The following GRIK1 variants were observed in gnomAD, a reference collection of about 807,000 sequenced individuals.
GRIK1 encodes the protein glutamate receptor ionotropic, kainate 1.
GRIK1 carries 69 observed loss-of-function variants against 105.7 expected under a neutral mutation model. The observed-to-expected ratio is 0.65, with a 90% CI of 0.54 to 0.80. The LOEUF is 0.80. Among genes scored for constraint, GRIK1 ranks in the 30% least tolerant of loss-of-function variants. The pLI is 0.00. For missense variants in GRIK1, 1,109 were observed against 1,167.3 expected (o/e 0.95, Z 0.73); for synonymous variants, 438 against 431.3 (o/e 1.02, Z -0.19).
intron 7 of GRIK1, among the ~76,000 whole-genome samples, chr21:29,606,247 T>G (rs2061612399): frequency 1.3e-5 from 2 of 152,166 alleles, no homozygotes; most frequent in Non-Finnish European, 2.9e-5. Context: ...AAATTATAAT[T>G]GTATTGACCT....
intron 1 of GRIK1, among the ~76,000 whole-genome samples, chr21:29,773,295 CT>C (rs2145743073): frequency 6.6e-6 from 1 of 152,226 alleles, no homozygotes; most frequent in South Asian, 2.1e-4. Flanking sequence ...TTTCTCTAGG[CT>C]TCAACTCATT....
At chr21:29,813,790 G>T in intron 1 of GRIK1, among the ~76,000 whole-genome samples, 1 of 151,940 alleles carries the variant, frequency 6.6e-6, no homozygotes, top group East Asian at 1.9e-4. Flanking sequence ...ATACTGTAAT[G>T]CAAACCAGAT....
intron 1 of GRIK1, among the ~76,000 whole-genome samples, chr21:29,856,095 C>T (rs2068455481): frequency 6.6e-6 from 1 of 152,060 alleles, no homozygotes; most frequent in African/African-American, 2.4e-5. Flanking sequence ...TTCTGGGGTA[C>T]AAGTAGTGTT....
intron 3 of GRIK1, among the ~76,000 whole-genome samples, chr21:29,677,595 A>G (rs1176218174): frequency 6.6e-6 from 1 of 151,996 alleles, no homozygotes; most frequent in African/African-American, 2.4e-5. Flanking sequence ...AAAAAAAAAA[A>G]CCTCTGCTAT....
Position 29,561,833 on chromosome 21 carries a change from G to A in GRIK1, c.2147C>T (p.Thr716Ile), listed in dbSNP as rs755836619. ...CATGAAAGCCCACATCTTCTCATAG[G>A]TGGAGATTTTTGATTTCTGGAGGGA... Reference protein sequence around the residue: ...MTFFKKSKISTYEKMWAFMSS... With the variant: ...MTFFKKSKISIYEKMWAFMSS... The change falls in exon 15 of 18, where the codon ACC becomes ATC. Residue 716 changes from threonine (T) to isoleucine (I), a missense_variant. Transcript: ENST00000327783. 1 of 1,612,310 alleles carries A rather than the reference G, an allele frequency of 6.2e-7. No homozygotes were observed. Among genetic ancestry groups the A allele is most frequent in the Non-Finnish European group, 8.5e-7 (1 of 1,178,516 alleles).
chr21:29,907,246 A>G (rs1325931379), intron 1 of GRIK1, among the ~76,000 whole-genome samples: 1 of 152,068 alleles, frequency 6.6e-6, no homozygotes, highest in Non-Finnish European at 1.5e-5. Flanking sequence ...GTCCCTAAAA[A>G]TTGCAATGCT....
At chr21:29,930,967 T>C (rs2071545226) in intron 1 of GRIK1, among the ~76,000 whole-genome samples, 1 of 152,194 alleles carries the variant, frequency 6.6e-6, no homozygotes, top group Non-Finnish European at 1.5e-5. Context: ...GAAGAAACCT[T>C]GACATGGGTT....
At chr21:29,685,051 C>A (rs1019685677) in intron 3 of GRIK1, among the ~76,000 whole-genome samples, 1 of 152,062 alleles carries the variant, frequency 6.6e-6, no homozygotes, top group African/African-American at 2.4e-5. Context: ...TGCCTGCCTG[C>A]CTATCTAATA....
chr21:29,599,921 C>A (rs1343498164), intron 7 of GRIK1, among the ~76,000 whole-genome samples: 1 of 152,176 alleles, frequency 6.6e-6, no homozygotes, highest in African/African-American at 2.4e-5. Context: ...CCCATCTCTA[C>A]TAAAAATACA....
intron 7 of GRIK1, among the ~76,000 whole-genome samples, chr21:29,610,329 G>C (rs2061704582): frequency 6.6e-6 from 1 of 152,048 alleles, no homozygotes; most frequent in Admixed American, 6.6e-5. Flanking sequence ...ACACAGATGG[G>C]ATCAAGTTAA....
At chr21:29,893,915 C>G (rs896976972) in intron 1 of GRIK1, among the ~76,000 whole-genome samples, 1 of 152,110 alleles carries the variant, frequency 6.6e-6, no homozygotes, top group Non-Finnish European at 1.5e-5. Context: ...GTCAGCAAAC[C>G]CTTCAGGGAG....
intron 7 of GRIK1, among the ~76,000 whole-genome samples, chr21:29,602,115 T>G (rs1412248650): frequency 6.6e-6 from 1 of 152,214 alleles, no homozygotes. Flanking sequence ...TTTTGTCCCT[T>G]TTTTAGGCCA....
At chr21:29,553,268 T>A in intron 16 of GRIK1, 1 of 1,028,116 alleles carries the variant, frequency 9.7e-7, no homozygotes, top group Non-Finnish European at 1.2e-6. Context: ...GAAGAGTTAC[T>A]TATTTTTAAT....
At chr21:29,894,479 C>T (rs2146234009) in intron 1 of GRIK1, among the ~76,000 whole-genome samples, 1 of 152,312 alleles carries the variant, frequency 6.6e-6, no homozygotes, top group African/African-American at 2.4e-5. Context: ...GTTCTTCTGT[C>T]TTCTCCTGCC....
At chr21:29,722,707 A>G (rs538593309) in intron 1 of GRIK1, among the ~76,000 whole-genome samples, 1 of 152,260 alleles carries the variant, frequency 6.6e-6, no homozygotes, top group Admixed American at 6.5e-5. Context: ...TTATATACAA[A>G]TTATATGGAG....
chr21:29,597,602 T>TG, intron 8 of GRIK1: 1 of 447,132 alleles, frequency 2.2e-6, no homozygotes. Flanking sequence ...GGAGACTGGC[T>TG]GGATGCCCTG....
intron 1 of GRIK1, among the ~76,000 whole-genome samples, chr21:29,884,867 A>T (rs1364569738): frequency 6.6e-6 from 1 of 152,068 alleles, no homozygotes; most frequent in Admixed American, 6.6e-5. Flanking sequence ...TTCAACAGAC[A>T]TCCAGTGTTC....
intron 5 of GRIK1, 34 bp from the exon 6 acceptor site, chr21:29,651,325 T>C (rs1394228645): frequency 2.8e-6 from 4 of 1,423,474 alleles, no homozygotes; most frequent in Non-Finnish European, 3.9e-6. Context: ...CAGTGGAAAA[T>C]AATTAGAATT....
chr21:29,710,995 G>A (rs182019695), intron 1 of GRIK1, among the ~76,000 whole-genome samples: 13 of 151,302 alleles, frequency 8.6e-5, no homozygotes, highest in African/African-American at 3.2e-4. Flanking sequence ...CACTTATTTG[G>A]TTTTGATTCT....
Sources: allele counts gnomAD v4.1 joint callset (sites outside exome capture counted in the v4.1 genomes callset), GRCh38; gene constraint gnomAD v4.1.1; transcripts MANE v1.5; gene names NCBI Gene and HGNC (gene_info 2026-07-23, HGNC 2026-07-21).